Variants in HMGCLL1 observed in about 807,000 individuals in gnomAD.
The protein encoded by HMGCLL1 is 3-hydroxymethyl-3-methylglutaryl-CoA lyase, cytoplasmic.
In HMGCLL1, 36 loss-of-function variants were observed where a neutral mutation model predicts 39.1. The observed-to-expected ratio is 0.92, with a 90% confidence interval of 0.71 to 1.22. The LOEUF is 1.22. Among genes scored for constraint, HMGCLL1 ranks in the 50% most tolerant of loss-of-function variants. The pLI, the probability that HMGCLL1 is intolerant of heterozygous loss-of-function variation, is 0.00. For missense variants in HMGCLL1, 451 were observed against 416.5 expected, an observed-to-expected ratio of 1.08 and a Z score of -0.72; for synonymous variants, 149 against 144.0, an observed-to-expected ratio of 1.03 and a Z score of -0.25.
At chr6:55,519,069 G>A (rs970649036) in intron 3 of HMGCLL1, among the ~76,000 whole-genome samples, 9 of 151,580 alleles carry the variant, frequency 5.9e-5, no homozygotes, top group African/African-American at 2.2e-4. Flanking sequence ...GCTTATAAAT[G>A]AAGAGGAAAT....
the HMGCLL1 span, among the ~76,000 whole-genome samples, chr6:55,640,112 G>A: frequency 6.6e-6 from 1 of 151,830 alleles, no homozygotes; most frequent in Non-Finnish European, 1.5e-5. Flanking sequence ...TTAAGAAAAA[G>A]GGAAAGAAGA....
chr6:55,436,064 T>C (rs1763360472), intron 8 of HMGCLL1, among the ~76,000 whole-genome samples: 1 of 151,726 alleles, frequency 6.6e-6, no homozygotes, highest in Non-Finnish European at 1.5e-5. Context: ...AGGACAATAA[T>C]GGAACTAGAA....
intron 7 of HMGCLL1, among the ~76,000 whole-genome samples, chr6:55,477,334 A>ATAT (rs1765458904): frequency 8.6e-5 from 3 of 34,996 alleles, no homozygotes; most frequent in Non-Finnish European, 1.4e-4. Context: ...ATATTATATA[A>ATAT]TATATATTAT....
chr6:55,449,973 G>GA (rs1168564404), intron 7 of HMGCLL1, among the ~76,000 whole-genome samples: 3 of 151,758 alleles, frequency 2.0e-5, no homozygotes, highest in Non-Finnish European at 2.9e-5. Context: ...TAAAAATAAG[G>GA]AAAAAATGAT....
the HMGCLL1 span, among the ~76,000 whole-genome samples, chr6:55,632,959 G>C: frequency 6.6e-6 from 1 of 152,068 alleles, no homozygotes; most frequent in African/African-American, 2.4e-5. Flanking sequence ...ATAGACTCTT[G>C]ACATCTCTGA....
chr6:55,579,190 T>C lies in HMGCLL1; in HGVS notation c.-135A>G. ...CTGGCTGTGAGGACCAGAGCTGTTC[T>C]GCGCACTGCGGCGGCGCCGAGAGGG... On this transcript the variant is annotated 5_prime_UTR_variant, in exon 1 of 9. Coordinates refer to ENST00000274901, the MANE Select transcript of HMGCLL1 (RefSeq NM_001042406.2). 2 of 683,864 alleles carry C rather than the reference T, an allele frequency of 2.9e-6. No homozygotes were observed. Among genetic ancestry groups the C allele is most frequent in the African/African-American group, 1.8e-5 (1 of 55,972 alleles). The allele number at this position is 683,864 out of a possible 1,614,324, so 42.4% of individuals were successfully genotyped here.
chr6:55,478,001 C>T (rs1765546552), intron 7 of HMGCLL1, among the ~76,000 whole-genome samples: 1 of 146,850 alleles, frequency 6.8e-6, no homozygotes, highest in Non-Finnish European at 1.5e-5. Flanking sequence ...GCTTATTTTA[C>T]ATTCAATATA....
Position 55,578,980 on chromosome 6 carries a change from C to A in HMGCLL1, c.76G>T (p.Asp26Tyr). Residue 26 changes from aspartate to tyrosine, a missense_variant, in exon 1 of 9, where the codon GAT becomes TAT. Physicochemically the swap from Asp to Tyr is radical, Grantham distance 160. Transcript: ENST00000274901. ...QLLREHLWIGDSVAGALDPAQ... is the reference protein window; with the variant it reads ...QLLREHLWIGYSVAGALDPAQ... ...GGGTCGAGCGCCCCTGCCACTGAAT[C>A]CCCGATCCAGAGATGCTCCCGGAGA... 3.1e-6 allele frequency: 5 copies of A among 1,613,568 alleles called. No homozygotes were observed. Among genetic ancestry groups the A allele is most frequent in the East Asian group, 2.2e-5 (1 of 44,808 alleles).
At chr6:55,522,342 T>A (rs1768083086) in intron 3 of HMGCLL1, among the ~76,000 whole-genome samples, 1 of 151,930 alleles carries the variant, frequency 6.6e-6, no homozygotes, top group Non-Finnish European at 1.5e-5. Flanking sequence ...CATTTTCAAG[T>A]CCCACAAAAT....
At chr6:55,602,743 T>C in the HMGCLL1 span, among the ~76,000 whole-genome samples, 1 of 152,014 alleles carries the variant, frequency 6.6e-6, no homozygotes, top group African/African-American at 2.4e-5. Context: ...GAATGAACCA[T>C]TGCCATCACC....
chr6:55,506,256 A>G (rs1414957393), intron 5 of HMGCLL1, among the ~76,000 whole-genome samples: 2 of 151,728 alleles, frequency 1.3e-5, no homozygotes, highest in Non-Finnish European at 3.0e-5. Flanking sequence ...ATACCTTTTG[A>G]AACTTTCTAT....
At chr6:55,528,273 T>G (rs1768429650) in intron 3 of HMGCLL1, among the ~76,000 whole-genome samples, 1 of 152,074 alleles carries the variant, frequency 6.6e-6, no homozygotes, top group Admixed American at 6.6e-5. Context: ...GCATGCAATT[T>G]CTTCAACACA....
chr6:55,465,816 A>C (rs941202605), intron 7 of HMGCLL1, among the ~76,000 whole-genome samples: 3 of 152,094 alleles, frequency 2.0e-5, no homozygotes, highest in African/African-American at 7.2e-5. Context: ...AATCATTCTT[A>C]AGAGATTCCA....
the HMGCLL1 span, among the ~76,000 whole-genome samples, chr6:55,599,485 G>A: frequency 1.3e-5 from 2 of 152,066 alleles, no homozygotes; most frequent in South Asian, 4.1e-4. Flanking sequence ...TTCCATATTG[G>A]ATATTTTCAA....
chr6:55,558,429 T>C (rs939777015), intron 1 of HMGCLL1, among the ~76,000 whole-genome samples: 1 of 152,230 alleles, frequency 6.6e-6, no homozygotes, highest in African/African-American at 2.4e-5. Flanking sequence ...TTCTCTCATA[T>C]GGTCCTTGTT....
chr6:55,557,072 T>C (rs1485280511), intron 1 of HMGCLL1, among the ~76,000 whole-genome samples: 5 of 152,188 alleles, frequency 3.3e-5, no homozygotes, highest in Non-Finnish European at 7.3e-5. Context: ...TCTCACACTT[T>C]ATAAAGTTAG....
At chr6:55,589,354 G>A in the HMGCLL1 span, among the ~76,000 whole-genome samples, 117 of 151,894 alleles carry the variant, frequency 7.7e-4, no homozygotes, top group African/African-American at 2.6e-3. Flanking sequence ...ATTCAACAAC[G>A]CTTCATGCTA....
chr6:55,654,383 A>G, the HMGCLL1 span, among the ~76,000 whole-genome samples: 3 of 151,430 alleles, frequency 2.0e-5, no homozygotes, highest in African/African-American at 7.3e-5. Context: ...TATTGACTCA[A>G]TAAGGACTTG....
chr6:55,665,709 T>C, the HMGCLL1 span, among the ~76,000 whole-genome samples: 2 of 151,768 alleles, frequency 1.3e-5, no homozygotes, highest in Non-Finnish European at 2.9e-5. Context: ...GTCATCTGTC[T>C]CAAATCTCTG....
Sources: gnomAD v4.1 joint callset for allele counts (sites outside exome capture counted in the v4.1 genomes callset) on GRCh38, gnomAD v4.1.1 for gene constraint, MANE v1.5 for transcripts, NCBI Gene and HGNC (gene_info 2026-07-23, HGNC 2026-07-21) for gene names.